The following DHX30 variants were observed in gnomAD, a reference collection of about 807,000 sequenced individuals.
The protein encoded by DHX30 is DExH-box helicase 30, also known as ATP-dependent RNA helicase DHX30.
DHX30 carries 4 observed loss-of-function variants against 116.9 expected under a neutral mutation model. That is an observed-to-expected ratio of 0.03 (90% confidence interval 0.02 to 0.08). The LOEUF is 0.08. Ranked by LOEUF, DHX30 falls within the 10% of genes least tolerant of loss-of-function variation. The pLI, the probability that DHX30 is intolerant of heterozygous loss-of-function variation, is 1.00. For synonymous variants in DHX30, 697 were observed against 651.7 expected (o/e 1.07, Z -1.06); for missense variants, 871 against 1,595.1 (o/e 0.55, Z 7.73).
intron 4 of DHX30, chr3:47,824,788 T>A: frequency 2.5e-6 from 1 of 396,716 alleles, no homozygotes; most frequent in Non-Finnish European, 4.4e-6. Flanking sequence ...CTTCCTGCCT[T>A]CCATCCACAC....
Position 47,847,278 on chromosome 3 carries a change from G to A in DHX30, c.1935G>A (p.Glu645=). The change falls in exon 12 of 22, where the codon GAG becomes GAA. Residue 645 remains glutamate, a synonymous_variant. Transcript: ENST00000445061. The surrounding 1 kb of genome is among the most constrained non-coding windows in gnomAD (Gnocchi z 5.5). ...CCTCTCTTCCCCCACCCCAGTCTGA[G>A]GATGAATGCGCACTCGATTTGGACC... is the stretch of plus-strand genomic sequence containing the variant. ...YLHRHRHHES[E]DECALDLDLV... The A allele has an allele frequency of 6.2e-7, 1 of 1,614,246 alleles. No homozygotes were observed.
rs368625437 is a variant in DHX30, at chr3:47,811,206, G to A, written c.28+495G>A. Among the ~76,000 whole-genome samples, 56 of 151,838 alleles carry A rather than the reference G, an allele frequency of 3.7e-4. 1 individual carries two copies. The South Asian group carries it at 6.9e-3, about 19-fold the overall frequency. ...TGACCTCAAGTGATCCACCCACCTC[G>A]GCCTCCCAAAGTGCTGGGATTACAG... On this transcript the variant is annotated intron_variant, in intron 3 of 21. Transcript: ENST00000445061.
chr3:47,803,282 C>A, intron 1 of DHX30, 70 bp downstream of exon 1: 1 of 389,942 alleles, frequency 2.6e-6, no homozygotes, highest in South Asian at 1.3e-4. Flanking sequence ...GGGTGGTCGT[C>A]GTGAGGAGGG....
chr3:47,823,844 G>A (rs1015389979), intron 4 of DHX30, among the ~76,000 whole-genome samples: 5 of 152,132 alleles, frequency 3.3e-5, no homozygotes, highest in Admixed American at 2.6e-4. Context: ...AGAAATCATG[G>A]CATTTCAGCC....
intron 4 of DHX30, chr3:47,825,044 C>A (rs1235985180): frequency 3.1e-6 from 2 of 652,960 alleles, no homozygotes; most frequent in African/African-American, 1.9e-5. Flanking sequence ...AGCACGATGG[C>A]GGCCGCTAGG....
chr3:47,816,909 A>C lies in DHX30; in HGVS notation c.29-1113A>C, dbSNP rs550104598. 1.8e-5 allele frequency: 16 copies of C among 901,748 alleles called. No individual in the cohort carries two copies. In the East Asian group the frequency reaches 6.6e-4, roughly 37 times the overall value. The allele number at this position is 901,748 out of a possible 1,614,324, so 55.9% of individuals were successfully genotyped here. A position where few individuals can be genotyped will look rare whatever the true frequency, so the allele number is the denominator to read the frequency against. On this transcript the variant is annotated intron_variant, in intron 3 of 21. Transcript: ENST00000445061. ...TGATTCTCTATAGGTATAGGCACTC[A>C]ATTTTAATAAAAAAAAAAATAGCTG...
At chr3:47,811,696 T>C (rs1473296792) in intron 3 of DHX30, among the ~76,000 whole-genome samples, 1 of 152,028 alleles carries the variant, frequency 6.6e-6, no homozygotes, top group Non-Finnish European at 1.5e-5. Context: ...GGGCAGAAGG[T>C]GAAGCGGGAG....
chr3:47,842,060 C>A, intron 8 of DHX30: 1 of 278,834 alleles, frequency 3.6e-6, no homozygotes. Context: ...GGCGAAGGGG[C>A]TTTGGTCATG....
In DHX30 at chr3:47,828,134, C is replaced by T. The variant is rs367643492; in HGVS notation, c.255+657C>T. On this transcript the variant is annotated intron_variant, in intron 5 of 21. Transcript: ENST00000445061. ...CTCAGCCTCCCAAAATTGTGGGAGA[C>T]ACCACTGCTCTCAGTCTGGATGATT... Among the ~76,000 whole-genome samples the T allele has an allele frequency of 6.6e-5, 10 of 151,846 alleles. No homozygotes were observed. In the East Asian group the frequency reaches 1.7e-3, roughly 27 times the overall value.
intron 4 of DHX30, chr3:47,819,163 C>T (rs543066892): frequency 2.1e-5 from 27 of 1,294,836 alleles, no homozygotes; most frequent in African/African-American, 1.4e-4. Flanking sequence ...AATGCCACCC[C>T]CCTACCGTTA....
rs377466913 is a variant in DHX30 at position 47,848,393 on chromosome 3, C to T, written c.2493+7C>T. The T allele has an allele frequency of 1.9e-5, 30 of 1,613,754 alleles. No homozygotes were observed. The highest frequency in any genetic ancestry group is 6.7e-5 in the African/African-American group (5 of 74,890). ...CCACATGCCTGAGAAGACGGTGCGG[C>T]GGGGCGGGGCAGGGGCTGGCCTGGG... is the stretch of plus-strand genomic sequence containing the variant. On this transcript the variant is annotated splice_region_variant and intron_variant, in intron 15 of 21. Transcript: ENST00000445061. The surrounding 1 kb of genome is among the most constrained non-coding windows in gnomAD (Gnocchi z 9.4).
At position 47,847,326 on chromosome 3, in the gene DHX30, C is replaced by A; in HGVS notation, c.1983C>A (p.His661Gln). 6.2e-7 allele frequency: 1 copy of A among 1,614,232 alleles called. No homozygotes were observed. Among genetic ancestry groups the A allele is most frequent in the East Asian group, 2.2e-5 (1 of 44,882 alleles). Residue 661 changes from histidine (H) to glutamine (Q), a missense_variant, in exon 12 of 22, where the codon CAC (histidine) becomes CAA (glutamine). Physicochemically the swap from His to Gln is conservative, Grantham distance 24 (BLOSUM62 0). Coordinates refer to ENST00000445061, the MANE Select transcript of DHX30 (RefSeq NM_138615.3). This position sits in a 1 kb window ranked among gnomAD's most constrained non-coding sequence, Gnocchi z 5.5. ...ACCTTGTGACTGATCTGGTTCTGCACATCGATGCTCGCGGGGAACCAGGTG... is the reference window on the plus strand; with the variant it reads ...ACCTTGTGACTGATCTGGTTCTGCAAATCGATGCTCGCGGGGAACCAGGTG... ...DLDLVTDLVLHIDARGEPGGI... is the reference protein window; with the variant it reads ...DLDLVTDLVLQIDARGEPGGI...
At chr3:47,842,984 C>G in intron 8 of DHX30, 122 bp from the exon 9 acceptor site, 1 of 1,268,392 alleles carries the variant, frequency 7.9e-7, no homozygotes, top group Non-Finnish European at 1.1e-6. Context: ...GCATGGCTCA[C>G]GCCTGGCACC....
chr3:47,818,750 A>G (rs2036165356), intron 4 of DHX30, among the ~76,000 whole-genome samples: 2 of 152,160 alleles, frequency 1.3e-5, no homozygotes, highest in Non-Finnish European at 2.9e-5. Flanking sequence ...ATCGCTGCAC[A>G]TGAGCGCCTC....
intron 5 of DHX30, 131 bp from the exon 6 acceptor site, chr3:47,828,893 A>G (rs2036673741): frequency 3.0e-6 from 2 of 656,276 alleles, no homozygotes; most frequent in Admixed American, 2.6e-5. Context: ...TCTGTTCTCA[A>G]CTCTGAACCT....
At chr3:47,803,468 G>T (rs1334699759) in intron 1 of DHX30, among the ~76,000 whole-genome samples, 6 of 152,154 alleles carry the variant, frequency 3.9e-5, no homozygotes, top group Admixed American at 6.5e-5. Flanking sequence ...AGACCGGTCC[G>T]CCGGGGCGGG....
chr3:47,840,245 T>TAC (rs2037310648), intron 6 of DHX30, among the ~76,000 whole-genome samples: 2 of 148,640 alleles, frequency 1.3e-5, no homozygotes, highest in Non-Finnish European at 3.0e-5. Flanking sequence ...GATCCGCCCG[T>TAC]CTCGGCCTCC....
In DHX30 at chr3:47,849,985, G is replaced by A. The variant is rs1162140464; in HGVS notation, c.3450G>A (p.Glu1150=). 1.2e-6 allele frequency: 2 copies of A among 1,612,520 alleles called. No individual in the cohort carries two copies. Among genetic ancestry groups the A allele is most frequent in the South Asian group, 2.2e-5 (2 of 91,042 alleles). The change falls in exon 22 of 22, where the codon GAG becomes GAA. Residue 1150 remains glutamate, a synonymous_variant. Transcript: ENST00000445061. ...ELRRALGRMV[E]RSLRSELAAL... ...GGCGGGCCCTGGGCCGCATGGTGGAGCGGAGCCTGCGCAGCGAGCTGGCTG... is the reference window on the plus strand; with the variant it reads ...GGCGGGCCCTGGGCCGCATGGTGGAACGGAGCCTGCGCAGCGAGCTGGCTG...
In DHX30 at chr3:47,848,867, G is replaced by A. The variant is rs772279229; in HGVS notation, c.2769+50G>A. 5 of 1,598,188 alleles carry A rather than the reference G, an allele frequency of 3.1e-6. No individual in the cohort carries two copies. In the East Asian group the frequency reaches 9.0e-5, roughly 29 times the overall value. ...CCGTCCACCCACTGCTGTTCTGAGG[G>A]GGCGTTGTCTAGCCCCTGCCTGTGA... On this transcript the variant is annotated intron_variant, in intron 17 of 21. Coordinates refer to ENST00000445061, the MANE Select transcript of DHX30 (RefSeq NM_138615.3). This position sits in a 1 kb window ranked among gnomAD's most constrained non-coding sequence, Gnocchi z 9.4.
Sources: gnomAD v4.1 joint callset for allele counts (sites outside exome capture counted in the v4.1 genomes callset) on GRCh38, gnomAD v4.1.1 for gene constraint, Gnocchi (gnomAD v3.1) non-coding constraint, MANE v1.5 for transcripts, NCBI Gene and HGNC (gene_info 2026-07-23, HGNC 2026-07-21) for gene names.